The following CCT2 variants were observed in gnomAD, a reference collection of about 807,000 sequenced individuals.
The protein encoded by CCT2 is T-complex protein 1 subunit beta.
CCT2 carries 18 observed loss-of-function variants against 61.8 expected under a neutral mutation model. The ratio of observed to expected loss-of-function variants is 0.29; its 90% CI spans 0.20 to 0.43. The LOEUF is 0.43. Among genes scored for constraint, CCT2 ranks in the 20% least tolerant of loss-of-function variants. The pLI, the probability that CCT2 is intolerant of heterozygous loss-of-function variation, is 1.00. For missense variants in CCT2, 556 were observed against 656.9 expected, an observed-to-expected ratio of 0.85 and a Z score of 1.68; for synonymous variants, 248 against 215.9, an observed-to-expected ratio of 1.15 and a Z score of -1.30.
Position 69,585,975 on chromosome 12 carries a change from C to T in CCT2, c.4-295C>T. ...TTGATGGCCTGCAACCCCTCCCTGCCTCATTCTTAGTTCAAGATCGTCTTT... is the reference window on the plus strand; with the variant it reads ...TTGATGGCCTGCAACCCCTCCCTGCTTCATTCTTAGTTCAAGATCGTCTTT... On this transcript the variant is annotated intron_variant, in intron 1 of 15. Coordinates refer to ENST00000299300, the MANE Select transcript of CCT2 (RefSeq NM_006431.3). 6 of 1,314,068 alleles carry T rather than the reference C, an allele frequency of 4.6e-6. No individual in the cohort carries two copies. The South Asian group carries it at 8.7e-5, about 19-fold the overall frequency. The allele number at this position is 1,314,068 out of a possible 1,614,324, so 81.4% of individuals were successfully genotyped here.
At chr12:69,593,329 A>G (rs955255071) in intron 9 of CCT2, among the ~76,000 whole-genome samples, 181 bp from the exon 10 acceptor site, 1 of 152,226 alleles carries the variant, frequency 6.6e-6, no homozygotes, top group Non-Finnish European at 1.5e-5. Context: ...TCTTTTCAAT[A>G]CTAGTAATGG....
chr12:69,591,004 C>T (rs1179971936), intron 7 of CCT2, among the ~76,000 whole-genome samples: 2 of 152,168 alleles, frequency 1.3e-5, no homozygotes, highest in Admixed American at 1.3e-4. Context: ...CAGGCGTGAG[C>T]CACCATGCCT....
chr12:69,590,861 C>T (rs1193470952), intron 7 of CCT2, among the ~76,000 whole-genome samples: 5 of 151,906 alleles, frequency 3.3e-5, no homozygotes, highest in South Asian at 2.1e-4. Flanking sequence ...GGATTACAGG[C>T]GTGTGCCACC....
chr12:69,586,225 G>T, intron 1 of CCT2, 45 bp from the exon 2 acceptor site: 1 of 1,392,098 alleles, frequency 7.2e-7, no homozygotes, highest in South Asian at 1.2e-5. Context: ...GTATGTGTTA[G>T]AGTATTGGTA....
At chr12:69,585,881 GA>G in intron 1 of CCT2, 1 of 1,290,540 alleles carries the variant, frequency 7.7e-7, no homozygotes, top group Admixed American at 3.6e-5. Context: ...TCAGAGGGTG[GA>G]GGGGCCGCAG....
At position 69,598,381 on chromosome 12, in the gene CCT2, C is replaced by G. The variant is rs1882053492; in HGVS notation, c.1395C>G (p.Leu465=). 3 of 1,603,948 alleles carry G rather than the reference C, an allele frequency of 1.9e-6. No individual in the cohort carries two copies. The highest frequency in any genetic ancestry group is 2.7e-5 in the African/African-American group (2 of 74,550). ...GYDSADLVAQ[L]RAAHSEGNTT... ...ACAGTGCAGACCTGGTGGCACAGCTCAGGGCTGCTCACAGTGAAGGCAATA... is the reference window on the plus strand; with the variant it reads ...ACAGTGCAGACCTGGTGGCACAGCTGAGGGCTGCTCACAGTGAAGGCAATA... The change falls in exon 14 of 16, where the codon CTC becomes CTG. Residue 465 remains leucine (L), a synonymous_variant. Coordinates refer to ENST00000299300, the MANE Select transcript of CCT2 (RefSeq NM_006431.3).
intron 14 of CCT2, 47 bp downstream of exon 14, chr12:69,598,468 T>C (rs1245534361): frequency 1.7e-6 from 2 of 1,183,158 alleles, no homozygotes; most frequent in Non-Finnish European, 2.4e-6. Context: ...AAGTAACTCT[T>C]TTCACTAAGC....
At chr12:69,600,220 G>A (rs1481506365) in intron 15 of CCT2, among the ~76,000 whole-genome samples, 1 of 152,182 alleles carries the variant, frequency 6.6e-6, no homozygotes, top group Non-Finnish European at 1.5e-5. Context: ...GATTGAAAAG[G>A]CACAGAAAGA....
At chr12:69,587,726 A>G (rs1881707363) in intron 4 of CCT2, 110 bp downstream of exon 4, 2 of 748,688 alleles carry the variant, frequency 2.7e-6, no homozygotes, top group East Asian at 2.7e-5. Flanking sequence ...ATTGATGTCC[A>G]CTAGTTGTTA....
At chr12:69,594,802 C>T (rs536279956) in intron 10 of CCT2, among the ~76,000 whole-genome samples, 47 of 150,056 alleles carry the variant, frequency 3.1e-4, no homozygotes, top group African/African-American at 1.1e-3. Context: ...GCTGTGATCA[C>T]GTCACTGCAG....
chr12:69,591,580 T>G (rs1009438379), intron 7 of CCT2, among the ~76,000 whole-genome samples: 2 of 152,214 alleles, frequency 1.3e-5, no homozygotes, highest in African/African-American at 4.8e-5. Flanking sequence ...CATACAGATG[T>G]GGGTGTAGCG....
chr12:69,587,986 T>G lies in CCT2; in HGVS notation c.313T>G (p.Leu105Val). 6.2e-7 allele frequency: 1 copy of G among 1,613,624 alleles called. No individual in the cohort carries two copies. Among genetic ancestry groups the G allele is most frequent in the Non-Finnish European group, 8.5e-7 (1 of 1,179,530 alleles). ...TGATGGCACTACCTCTGTTACCGTT[T>G]TAGCAGCAGAATTATTAAGGGTAAG... ...VGDGTTSVTVLAAELLREAES... is the reference protein window; with the variant it reads ...VGDGTTSVTVVAAELLREAES... The change falls in exon 5 of 16, where the codon TTA (leucine) becomes GTA (valine). Residue 105 changes from leucine (L) to valine (V), a missense_variant. Leu to Val is a conservative substitution (Grantham distance 32). This residue lies in a region of CCT2 where 308 missense variants were observed against 350.6 expected (regional missense o/e 0.88). Transcript: ENST00000299300.
At chr12:69,589,133 G>T (rs1266837142) in intron 6 of CCT2, 2 of 233,950 alleles carry the variant, frequency 8.5e-6, no homozygotes, top group Admixed American at 5.5e-5. Context: ...TCACCATGTT[G>T]CTCAGGCTGG....
At chr12:69,590,679 A>G (rs1881808778) in intron 7 of CCT2, among the ~76,000 whole-genome samples, 1 of 147,370 alleles carries the variant, frequency 6.8e-6, no homozygotes, top group Admixed American at 6.8e-5. Flanking sequence ...TTCTGAAAAT[A>G]CTCTTGATTA....
chr12:69,598,443 T>C, intron 14 of CCT2, 22 bp downstream of exon 14: 1 of 1,456,734 alleles, frequency 6.9e-7, no homozygotes, highest in Non-Finnish European at 9.3e-7. Flanking sequence ...AGGGGAACTT[T>C]GTGGCCGTTG....
At position 69,586,660 on chromosome 12, in the gene CCT2, T is replaced by C. The variant is rs1462192171; in HGVS notation, c.79-93T>C. 10 of 924,888 alleles carry C rather than the reference T, an allele frequency of 1.1e-5. No individual in the cohort carries two copies. The Admixed American group carries it at 2.1e-4, about 20-fold the overall frequency. The allele number at this position is 924,888 out of a possible 1,614,324, so 57.3% of individuals were successfully genotyped here. A position where few individuals can be genotyped will look rare whatever the true frequency, so the allele number is the denominator to read the frequency against. On this transcript the variant is annotated intron_variant, in intron 2 of 15. Transcript: ENST00000299300. ...TCCAGCCTGGGCGACAGAGCGACAC[T>C]CTGCCTCAAAAAAAAAAAAAAGTAA...
intron 14 of CCT2, among the ~76,000 whole-genome samples, chr12:69,598,714 C>T (rs968978389): frequency 6.6e-6 from 1 of 152,178 alleles, no homozygotes; most frequent in African/African-American, 2.4e-5. Flanking sequence ...TGAAAAATAA[C>T]ATAAACTATT....
intron 9 of CCT2, 129 bp from the exon 10 acceptor site, chr12:69,593,381 A>G (rs1881894438): frequency 3.0e-6 from 2 of 658,370 alleles, no homozygotes; most frequent in Non-Finnish European, 5.1e-6. Flanking sequence ...TTATATAGGT[A>G]AGAAATGCAA....
chr12:69,593,048 A>C lies in CCT2; in HGVS notation c.823A>C (p.Met275Leu). ...AATAGAACATGCGGAAAAGGAAAAA[A>C]TGAAGGAGAAAGTTGAACGTATTCT... ...AEIEHAEKEK[M>L]KEKVERILKH... Residue 275 changes from methionine (M) to leucine (L), a missense_variant, in exon 9 of 16, where the codon ATG (methionine) becomes CTG (leucine). Transcript: ENST00000299300. 1.2e-6 allele frequency: 2 copies of C among 1,613,718 alleles called. No homozygotes were observed. Among genetic ancestry groups the C allele is most frequent in the Non-Finnish European group, 1.7e-6 (2 of 1,179,584 alleles).
Sources: gnomAD v4.1 joint callset for allele counts (sites outside exome capture counted in the v4.1 genomes callset) on GRCh38, gnomAD v4.1.1 for gene constraint, gnomAD v4.1.1 regional missense constraint, MANE v1.5 for transcripts, NCBI Gene and HGNC (gene_info 2026-07-23, HGNC 2026-07-21) for gene names.